JAM3: variants seen among roughly 807,000 people sequenced by gnomAD.
JAM3 encodes the protein junctional adhesion molecule 3.
A neutral mutation model predicts 39.4 loss-of-function variants in JAM3; 31 were observed. The observed-to-expected ratio is 0.79, with a 90% CI of 0.59 to 1.06. JAM3 has a LOEUF of 1.06. JAM3 is among the 50% of genes least tolerant of loss of function. The pLI is 0.00. For synonymous variants in JAM3, 182 were observed against 148.7 expected (o/e 1.22, Z -1.63); for missense variants, 455 against 391.4 (o/e 1.16, Z -1.37).
chr11:134,134,623 A>T (rs183901228), intron 1 of JAM3, among the ~76,000 whole-genome samples: 2 of 152,256 alleles, frequency 1.3e-5, no homozygotes, highest in East Asian at 3.9e-4. Context: ...TTACATTCCC[A>T]TCAGCAGTGT....
intron 1 of JAM3, among the ~76,000 whole-genome samples, chr11:134,139,313 C>A (rs755230733): frequency 5.9e-5 from 9 of 152,148 alleles, no homozygotes; most frequent in Non-Finnish European, 1.3e-4. Context: ...CCGGTGAAAA[C>A]TTCTTCGTGG....
At chr11:134,070,905 C>T (rs557615297) in intron 1 of JAM3, among the ~76,000 whole-genome samples, 110 of 152,254 alleles carry the variant, frequency 7.2e-4, no homozygotes, top group African/African-American at 2.5e-3. Flanking sequence ...GAGGAAGAAT[C>T]AAATTTTGCA....
chr11:134,076,040 C>G (rs1591767166), intron 1 of JAM3, among the ~76,000 whole-genome samples: 1 of 151,200 alleles, frequency 6.6e-6, no homozygotes, highest in Non-Finnish European at 1.5e-5. Flanking sequence ...AATCAATACA[C>G]AGTTTTTCCA....
At chr11:134,102,909 G>T (rs1238855304) in intron 1 of JAM3, among the ~76,000 whole-genome samples, 1 of 152,146 alleles carries the variant, frequency 6.6e-6, no homozygotes, top group Non-Finnish European at 1.5e-5. Flanking sequence ...AAGTGATGGG[G>T]AGAATGGAAC....
intron 5 of JAM3, chr11:134,145,378 T>C (rs762489286): frequency 2.7e-6 from 1 of 366,782 alleles, no homozygotes; most frequent in South Asian, 2.3e-5. Context: ...GTGGTTACGA[T>C]TTTTTACAGT....
intron 1 of JAM3, among the ~76,000 whole-genome samples, chr11:134,092,665 T>C (rs61909685): frequency 0.17 from 19,602 of 114,018 alleles, 1,478 homozygotes; most frequent in East Asian, 0.32. Context: ...ACATGTCACT[T>C]CCTGAGGGAA....
chr11:134,129,169 GA>G (rs1367939445), intron 1 of JAM3, among the ~76,000 whole-genome samples: 1 of 150,736 alleles, frequency 6.6e-6, no homozygotes, highest in Non-Finnish European at 1.5e-5. Flanking sequence ...GCCCAGGTTG[GA>G]GTGCAGTGGC....
chr11:134,120,262 G>C (rs1408139134), intron 1 of JAM3, among the ~76,000 whole-genome samples: 1 of 152,254 alleles, frequency 6.6e-6, no homozygotes, highest in Non-Finnish European at 1.5e-5. Context: ...TCAGCGGCTA[G>C]TGCAGCCTCG....
chr11:134,086,521 T>TAGAAA (rs1941747915), intron 1 of JAM3, among the ~76,000 whole-genome samples: 1 of 152,172 alleles, frequency 6.6e-6, no homozygotes, highest in Non-Finnish European at 1.5e-5. Context: ...TAGAAAAGAT[T>TAGAAA]AGACCTCCTA....
intron 1 of JAM3, among the ~76,000 whole-genome samples, chr11:134,130,511 A>C (rs1942749292): frequency 6.6e-6 from 1 of 152,210 alleles, no homozygotes; most frequent in Admixed American, 6.5e-5. Flanking sequence ...GGAAGTTCCA[A>C]GCTCCTGTTC....
At chr11:134,128,347 CA>C (rs1290506756) in intron 1 of JAM3, among the ~76,000 whole-genome samples, 1 of 152,188 alleles carries the variant, frequency 6.6e-6, no homozygotes, top group African/African-American at 2.4e-5. Context: ...TGTCATTGAA[CA>C]AAATACTTAA....
intron 1 of JAM3, among the ~76,000 whole-genome samples, chr11:134,113,438 C>T (rs773745910): frequency 1.8e-4 from 27 of 152,192 alleles, no homozygotes; most frequent in Non-Finnish European, 2.8e-4. Flanking sequence ...TGAGAACACG[C>T]GGTGTTTGGT....
At chr11:134,123,445 G>C (rs758301408) in intron 1 of JAM3, among the ~76,000 whole-genome samples, 1 of 152,090 alleles carries the variant, frequency 6.6e-6, no homozygotes, top group African/African-American at 2.4e-5. Context: ...GCATAATGAA[G>C]AGTGTGCTCC....
At position 134,122,646 on chromosome 11, in the gene JAM3, A is replaced by T. The variant is rs548022011; in HGVS notation, c.77-17205A>T. On this transcript the variant is annotated intron_variant, in intron 1 of 8. Transcript: ENST00000299106. ...TAAACCAGGGATATTTTTTAATCTC[A>T]AAAGAACCTAGTAATAACAAGGCAA... Among the ~76,000 whole-genome samples the T allele has an allele frequency of 1.6e-4, 25 of 152,334 alleles. No individual in the cohort carries two copies. In the South Asian group the frequency reaches 4.1e-3, roughly 25 times the overall value.
chr11:134,118,312 A>G (rs1942474718), intron 1 of JAM3, among the ~76,000 whole-genome samples: 1 of 152,132 alleles, frequency 6.6e-6, no homozygotes, highest in Admixed American at 6.5e-5. Context: ...TGCAGTTAGA[A>G]AAAGTAACAG....
At position 134,148,579 on chromosome 11, in the gene JAM3, G is replaced by T; in HGVS notation, c.745G>T (p.Val249Phe). Residue 249 changes from valine to phenylalanine, a missense_variant, in exon 7 of 9, where the codon GTT (valine) becomes TTT (phenylalanine). By Grantham distance (50) the Val-to-Phe change is conservative. Transcript: ENST00000299106. ...GAACATTGGCGGAATTATTGGGGGG[G>T]TTCTGGTTGTCCTTGCTGTACTGGC... is the stretch of plus-strand genomic sequence containing the variant. ...DLNIGGIIGG[V>F]LVVLAVLALI... 1.1e-5 allele frequency: 17 copies of T among 1,614,138 alleles called. No homozygotes were observed. The highest frequency in any genetic ancestry group is 1.4e-5 in the Non-Finnish European group (16 of 1,180,026).
intron 1 of JAM3, among the ~76,000 whole-genome samples, chr11:134,096,607 G>C (rs914630519): frequency 2.6e-5 from 4 of 152,210 alleles, no homozygotes; most frequent in African/African-American, 9.6e-5. Flanking sequence ...TTCACCCAAG[G>C]AAAGGCAGTC....
chr11:134,131,377 T>C (rs994158134), intron 1 of JAM3, among the ~76,000 whole-genome samples: 1 of 151,806 alleles, frequency 6.6e-6, no homozygotes, highest in Non-Finnish European at 1.5e-5. Context: ...GTCTTCTGAG[T>C]CTCAAATGGA....
chr11:134,090,092 C>G (rs1283462613), intron 1 of JAM3, among the ~76,000 whole-genome samples: 1 of 152,182 alleles, frequency 6.6e-6, no homozygotes, highest in African/African-American at 2.4e-5. Context: ...TGTCTTTTGG[C>G]TGCATAAATG....
Sources: allele counts gnomAD v4.1 joint callset (sites outside exome capture counted in the v4.1 genomes callset), GRCh38; gene constraint gnomAD v4.1.1; transcripts MANE v1.5; gene names NCBI Gene and HGNC (gene_info 2026-07-23, HGNC 2026-07-21).